Variants in GPC6 observed in about 807,000 individuals in gnomAD.
The protein encoded by GPC6 is glypican-6.
Under a neutral mutation model 55.2 loss-of-function variants are expected in GPC6, and 14 were observed. The observed-to-expected ratio is 0.25, with a 90% CI of 0.17 to 0.40. The LOEUF (loss-of-function observed/expected upper bound fraction) is 0.40, where lower values mean the gene tolerates loss of function less well. Among genes scored for constraint, GPC6 ranks in the 10% least tolerant of loss-of-function variants. The probability of loss-of-function intolerance (pLI) is 1.00; values close to 1 mark genes in which losing one functional copy is unlikely to be tolerated. For synonymous variants in GPC6, 278 were observed against 259.6 expected (o/e 1.07, Z -0.68); for missense variants, 641 against 708.5 (o/e 0.90, Z 1.08).
At chr13:94,399,235 A>C (rs534556247) in intron 8 of GPC6, among the ~76,000 whole-genome samples, 7 of 152,226 alleles carry the variant, frequency 4.6e-5, no homozygotes, top group Non-Finnish European at 8.8e-5. Context: ...CTCTCTATCC[A>C]GCTATGCACA....
chr13:93,920,092 A>G (rs1352850612), intron 3 of GPC6, among the ~76,000 whole-genome samples: 1 of 151,888 alleles, frequency 6.6e-6, no homozygotes, highest in Non-Finnish European at 1.5e-5. Flanking sequence ...TCATCAACCC[A>G]CCGACCTTCC....
intron 4 of GPC6, among the ~76,000 whole-genome samples, chr13:94,202,483 G>C (rs941114434): frequency 1.3e-5 from 2 of 152,106 alleles, no homozygotes; most frequent in Non-Finnish European, 2.9e-5. Context: ...AAAGGGAAAC[G>C]CCTTATAAAA....
chr13:94,362,544 G>GC (rs1241641526), intron 6 of GPC6, among the ~76,000 whole-genome samples: 4 of 152,074 alleles, frequency 2.6e-5, no homozygotes, highest in Non-Finnish European at 5.9e-5. Flanking sequence ...AGACTGGTAA[G>GC]GGGGTGAAAG....
At chr13:94,366,789 G>A (rs1879307280) in intron 6 of GPC6, among the ~76,000 whole-genome samples, 1 of 152,226 alleles carries the variant, frequency 6.6e-6, no homozygotes, top group African/African-American at 2.4e-5. Flanking sequence ...AAAGCAGAGA[G>A]CGAGAGAGCA....
At chr13:93,776,772 A>G (rs1885483234) in intron 2 of GPC6, among the ~76,000 whole-genome samples, 1 of 152,170 alleles carries the variant, frequency 6.6e-6, no homozygotes, top group African/African-American at 2.4e-5. Flanking sequence ...ATGACATAAA[A>G]CATTTCATCA....
At chr13:94,281,864 G>T (rs887848071) in intron 4 of GPC6, among the ~76,000 whole-genome samples, 1 of 152,184 alleles carries the variant, frequency 6.6e-6, no homozygotes, top group South Asian at 2.1e-4. Flanking sequence ...ATAATGCCTT[G>T]TAGAAGTTAA....
rs74910850 is a variant in GPC6, at chr13:93,843,696, G to A, written c.711+13151G>A. Among the ~76,000 whole-genome samples the A allele has an allele frequency of 6.4e-3, 969 of 152,150 alleles. 7 individuals are homozygous for A. Among genetic ancestry groups the A allele is most frequent in the African/African-American group, 0.022 (906 of 41,510 alleles). On this transcript the variant is annotated intron_variant, in intron 3 of 8. Transcript: ENST00000377047. ...TTGGAAGATAAAACAACCCTGAGCC[G>A]GCAATTGCATAGCAAAGATCAGCTG...
intron 1 of GPC6, among the ~76,000 whole-genome samples, chr13:93,398,281 CAG>C (rs1332630577): frequency 6.6e-6 from 1 of 152,162 alleles, no homozygotes; most frequent in Non-Finnish European, 1.5e-5. Context: ...GCTTTCCTTG[CAG>C]AGTTTTCAAA....
rs200903882 is a variant in GPC6, at chr13:93,464,734, T to G, written c.161-80529T>G. Among the ~76,000 whole-genome samples, 10 of 152,350 alleles carry G rather than the reference T, an allele frequency of 6.6e-5. No homozygotes were observed. In the East Asian group the frequency reaches 1.9e-3, roughly 29 times the overall value. Reference sequence around the variant, plus strand: ...TTAATGTTGGTATTTTGATTTCCTCTCATGGATCACAAATGTTCTTTATGG... The same window carrying G: ...TTAATGTTGGTATTTTGATTTCCTCGCATGGATCACAAATGTTCTTTATGG... On this transcript the variant is annotated intron_variant, in intron 1 of 8. Coordinates refer to ENST00000377047, the MANE Select transcript of GPC6 (RefSeq NM_005708.5).
intron 7 of GPC6, among the ~76,000 whole-genome samples, chr13:94,397,792 T>C (rs1176066870): frequency 6.6e-6 from 1 of 152,132 alleles, no homozygotes; most frequent in African/African-American, 2.4e-5. Context: ...GAAAGAGTCA[T>C]TAATGTTAAG....
At chr13:93,873,904 A>C (rs1238567063) in intron 3 of GPC6, among the ~76,000 whole-genome samples, 2 of 151,842 alleles carry the variant, frequency 1.3e-5, no homozygotes, top group African/African-American at 4.8e-5. Flanking sequence ...TGCCTTCAGA[A>C]TCTATCCCCA....
chr13:93,536,804 T>G (rs754450291), intron 1 of GPC6, among the ~76,000 whole-genome samples: 1 of 152,188 alleles, frequency 6.6e-6, no homozygotes, highest in Non-Finnish European at 1.5e-5. Flanking sequence ...CCACCCCAAG[T>G]GTATAGATTC....
chr13:93,364,741 G>A (rs1881180349), intron 1 of GPC6, among the ~76,000 whole-genome samples: 1 of 150,798 alleles, frequency 6.6e-6, no homozygotes, highest in South Asian at 2.1e-4. Context: ...ATATATATAT[G>A]TATTTTATAT....
At chr13:93,849,301 T>C (rs1240155056) in intron 3 of GPC6, among the ~76,000 whole-genome samples, 2 of 152,110 alleles carry the variant, frequency 1.3e-5, no homozygotes, top group Non-Finnish European at 2.9e-5. Context: ...GAATACCTGA[T>C]GGTTTTGGAA....
intron 3 of GPC6, among the ~76,000 whole-genome samples, chr13:93,937,798 C>G (rs1303355031): frequency 6.6e-6 from 1 of 152,036 alleles, no homozygotes; most frequent in African/African-American, 2.4e-5. Context: ...AGGCTGGTCT[C>G]GAGCTCCTGA....
At chr13:94,316,348 A>C (rs1039035141) in intron 6 of GPC6, among the ~76,000 whole-genome samples, 20 of 152,148 alleles carry the variant, frequency 1.3e-4, no homozygotes, top group African/African-American at 4.8e-4. Flanking sequence ...AAAGGATCCC[A>C]CCCCAAATCT....
chr13:93,217,369 C>A, the GPC6 span, among the ~76,000 whole-genome samples: 1 of 152,262 alleles, frequency 6.6e-6, no homozygotes. Flanking sequence ...ATTTCTTGGG[C>A]AAATATCTAA....
intron 3 of GPC6, among the ~76,000 whole-genome samples, chr13:93,838,619 A>C (rs1032591385): frequency 2.0e-5 from 3 of 152,276 alleles, no homozygotes; most frequent in African/African-American, 7.2e-5. Context: ...TTTTCACTTA[A>C]GAAAGATGGG....
At chr13:94,327,254 C>CG (rs1430794401) in intron 6 of GPC6, among the ~76,000 whole-genome samples, 3 of 152,180 alleles carry the variant, frequency 2.0e-5, no homozygotes, top group African/African-American at 7.2e-5. Context: ...GCTTTTCCCC[C>CG]TCTGTGTCAG....
Sources: allele counts gnomAD v4.1 joint callset (sites outside exome capture counted in the v4.1 genomes callset), GRCh38; gene constraint gnomAD v4.1.1; transcripts MANE v1.5; gene names NCBI Gene and HGNC (gene_info 2026-07-23, HGNC 2026-07-21).